Variants in NLRP9 observed in about 807,000 individuals in gnomAD.
NLRP9 encodes the protein NLR family pyrin domain containing 9.
A neutral mutation model predicts 83.1 loss-of-function variants in NLRP9; 88 were observed. That is an observed-to-expected ratio of 1.06 (90% CI 0.89 to 1.26). The LOEUF is 1.26. Ranked by LOEUF, NLRP9 falls within the 50% of genes most tolerant of loss-of-function variation. NLRP9 has a pLI of 0.00. For synonymous variants in NLRP9, 521 were observed against 447.6 expected (o/e 1.16, Z -2.07); for missense variants, 1,308 against 1,179.3 (o/e 1.11, Z -1.60).
chr19:55,712,617 C>T (rs758739598), intron 6 of NLRP9, 27 bp from the exon 7 acceptor site: 14 of 1,603,616 alleles, frequency 8.7e-6, no homozygotes, highest in Admixed American at 5.0e-5. Context: ...CACACAAATA[C>T]GTACACTTAT....
Position 55,708,835 on chromosome 19 carries a change from G to C in NLRP9, c.*77C>G. ...CCTGCTGCCATGATGTGCAATTACA[G>C]GATAGAGGTGCCAGGTGAAGGTCCC... On this transcript the variant is annotated 3_prime_UTR_variant, in exon 9 of 9. Transcript: ENST00000332836. The C allele has an allele frequency of 9.9e-7, 1 of 1,013,306 alleles. No individual in the cohort carries two copies. The highest frequency in any genetic ancestry group is 2.9e-5 in the Admixed American group (1 of 34,730). The allele number at this position is 1,013,306 out of a possible 1,614,324, so 62.8% of individuals were successfully genotyped here.
intron 5 of NLRP9, 107 bp from the exon 6 acceptor site, chr19:55,715,332 A>G (rs1165472396): frequency 3.1e-6 from 3 of 969,522 alleles, no homozygotes; most frequent in East Asian, 2.7e-5. Flanking sequence ...TAATATTACC[A>G]TATTTTCTTT....
chr19:55,725,280 T>C (rs1052610718), intron 3 of NLRP9, among the ~76,000 whole-genome samples: 1 of 152,124 alleles, frequency 6.6e-6, no homozygotes. Flanking sequence ...ATAAACCATA[T>C]ATAATATGTA....
intron 1 of NLRP9, among the ~76,000 whole-genome samples, chr19:55,737,074 G>T (rs1439339830): frequency 6.6e-6 from 1 of 152,072 alleles, no homozygotes; most frequent in Non-Finnish European, 1.5e-5. Flanking sequence ...ATACCTAATA[G>T]GGAATATATT....
Position 55,733,085 on chromosome 19 carries a change from T to G in NLRP9, c.746A>C (p.Gln249Pro). 6.2e-7 allele frequency: 1 copy of G among 1,614,016 alleles called. No individual in the cohort carries two copies. Among genetic ancestry groups the G allele is most frequent in the Non-Finnish European group, 8.5e-7 (1 of 1,179,920 alleles). The change falls in exon 2 of 9, where the codon CAG (glutamine) becomes CCG (proline). Residue 249 changes from glutamine (Q) to proline (P), a missense_variant. Gln to Pro is a moderately conservative substitution (Grantham distance 76). Coordinates refer to ENST00000332836, the MANE Select transcript of NLRP9 (RefSeq NM_176820.4). Reference protein sequence around the residue: ...LKADLSDDWRQRQPMPIILSS... With the variant: ...LKADLSDDWRPRQPMPIILSS... ...CAGGATAATTGGCATTGGCTGCCGC[T>G]GCCTCCAATCATCGCTCAAGTCAGC...
intron 3 of NLRP9, among the ~76,000 whole-genome samples, chr19:55,726,529 A>G (rs1230159132): frequency 6.6e-6 from 1 of 152,184 alleles, no homozygotes; most frequent in Non-Finnish European, 1.5e-5. Context: ...ATATTGATCC[A>G]TCTGTTATTA....
intron 5 of NLRP9, among the ~76,000 whole-genome samples, chr19:55,716,418 C>T (rs113685950): frequency 1.5e-3 from 222 of 152,042 alleles, no homozygotes; most frequent in African/African-American, 5.2e-3. Flanking sequence ...GCCACCACAC[C>T]CAGCTAATTT....
chr19:55,723,111 G>A lies in NLRP9; in HGVS notation c.2159+869C>T, dbSNP rs144470344. Among the ~76,000 whole-genome samples the A allele has an allele frequency of 3.3e-3, 507 of 152,132 alleles. 5 individuals are homozygous for A. The highest frequency in any genetic ancestry group is 0.014 in the Middle Eastern group (4 of 294). On this transcript the variant is annotated intron_variant, in intron 4 of 8. Coordinates refer to ENST00000332836, the MANE Select transcript of NLRP9 (RefSeq NM_176820.4). The stretch of plus-strand genomic sequence containing the variant: ...GTATACCTATGTAACAAATCTGCAC[G>A]TTGTACACATGTACTCCAGAACTTA...
chr19:55,715,886 A>G (rs1210528716), intron 5 of NLRP9, among the ~76,000 whole-genome samples: 2 of 152,212 alleles, frequency 1.3e-5, no homozygotes. Context: ...ACGATATCCC[A>G]TGTAGAATAA....
intron 2 of NLRP9, among the ~76,000 whole-genome samples, chr19:55,730,290 T>C (rs556377937): frequency 1.8e-4 from 28 of 152,188 alleles, no homozygotes; most frequent in African/African-American, 6.5e-4. Flanking sequence ...TCCATCTCTA[T>C]TAAAAATTTA....
Position 55,738,324 on chromosome 19 carries a change from C to T in NLRP9, c.51G>A (p.Glu17=). 5 of 1,614,066 alleles carry T rather than the reference C, an allele frequency of 3.1e-6. No homozygotes were observed. Among genetic ancestry groups the T allele is most frequent in the South Asian group, 1.1e-5 (1 of 91,082 alleles). ...SDFGLLWYLK[E]LRKEEFWKFK... The stretch of plus-strand genomic sequence containing the variant: ...ATTTCCAAAACTCTTCCTTTCTGAG[C>T]TCCTTCAGATACCACAACAAGCCAA... Residue 17 remains glutamate (E), a synonymous_variant, in exon 1 of 9, where the codon GAG becomes GAA. Transcript: ENST00000332836.
chr19:55,734,355 C>G (rs1442994059), intron 1 of NLRP9, among the ~76,000 whole-genome samples: 2 of 97,676 alleles, frequency 2.0e-5, no homozygotes, highest in African/African-American at 8.8e-5. Context: ...CAGCCTGACA[C>G]TCTATCTCAA....
At chr19:55,726,248 A>AAAGATGAAC (rs1365743951) in intron 3 of NLRP9, among the ~76,000 whole-genome samples, 2 of 152,216 alleles carry the variant, frequency 1.3e-5, no homozygotes, top group Non-Finnish European at 2.9e-5. Flanking sequence ...AAACAGTCAC[A>AAAGATGAAC]AAGATGAACA....
chr19:55,718,194 C>T (rs145523577), intron 4 of NLRP9, among the ~76,000 whole-genome samples: 9 of 152,306 alleles, frequency 5.9e-5, no homozygotes, highest in Admixed American at 2.6e-4. Flanking sequence ...TGCGGAAAGC[C>T]GCAGGGACCT....
intron 6 of NLRP9, 78 bp downstream of exon 6, chr19:55,714,977 C>T: frequency 7.3e-7 from 1 of 1,366,336 alleles, no homozygotes; most frequent in East Asian, 2.3e-5. Context: ...TAGCATATCC[C>T]TTTCCTATGT....
Position 55,733,171 on chromosome 19 carries a change from T to C in NLRP9, c.660A>G (p.Pro220=), listed in dbSNP as rs757598292. 2.1e-5 allele frequency: 34 copies of C among 1,613,870 alleles called. No homozygotes were observed. In the East Asian group the frequency reaches 7.4e-4, roughly 35 times the overall value. The change falls in exon 2 of 9, where the codon CCA becomes CCG. Residue 220 remains proline (P), a synonymous_variant. Transcript: ENST00000332836. The part of the protein sequence containing the change: ...SEKIEDIFSQ[P]ERILFIMDGF... ...CATCCATGATGAACAGAATTCTCTC[T>C]GGCTGGGAAAAAATGTCTTCGATCT...
rs1205999849 is a variant in NLRP9, at chr19:55,715,118, T to A, written c.2438A>T (p.Asp813Val). ...LLDLGSNALE[D>V]NGVASLCAAL... ...TGCACACAGAGATGCCACTCCATTA[T>A]CTTCCAGGGCATTTGAGCCCAGATC... Residue 813 changes from aspartate (D) to valine (V), a missense_variant, in exon 6 of 9, where the codon GAT (aspartate) becomes GTT (valine). Asp to Val is a radical substitution (Grantham distance 152). Coordinates refer to ENST00000332836, the MANE Select transcript of NLRP9 (RefSeq NM_176820.4). 1.2e-6 allele frequency: 2 copies of A among 1,613,196 alleles called. No individual in the cohort carries two copies. Among genetic ancestry groups the A allele is most frequent in the Non-Finnish European group, 1.7e-6 (2 of 1,179,898 alleles).
intron 8 of NLRP9, among the ~76,000 whole-genome samples, chr19:55,711,118 A>AC (rs397800284): frequency 6.6e-6 from 1 of 151,256 alleles, no homozygotes; most frequent in African/African-American, 2.4e-5. Flanking sequence ...CAAAAAAAAA[A>AC]CCTTAAACAA....
chr19:55,738,191 G>A lies in NLRP9; in HGVS notation c.184C>T (p.His62Tyr). The change falls in exon 1 of 9, where the codon CAT (histidine) becomes TAT (tyrosine). Residue 62 changes from histidine to tyrosine, a missense_variant. By Grantham distance (83) the His-to-Tyr change is moderately conservative (BLOSUM62 2). Transcript: ENST00000332836. ...TCCCATGCCTGCTTTCCTGGGTAAT[G>A]TTTGTCCAGCAGCTTTGCTACATCT... Reference protein sequence around the residue: ...KEDVAKLLDKHYPGKQAWEVT... With the variant: ...KEDVAKLLDKYYPGKQAWEVT... 6.2e-7 allele frequency: 1 copy of A among 1,614,094 alleles called. No individual in the cohort carries two copies. The highest frequency in any genetic ancestry group is 8.5e-7 in the Non-Finnish European group (1 of 1,179,980).
Sources: allele counts gnomAD v4.1 joint callset (sites outside exome capture counted in the v4.1 genomes callset), GRCh38; gene constraint gnomAD v4.1.1; transcripts MANE v1.5; gene names NCBI Gene and HGNC (gene_info 2026-07-23, HGNC 2026-07-21).